GPR107: variants seen among roughly 807,000 people sequenced by gnomAD.
GPR107 encodes the protein G protein-coupled receptor 107.
Under a neutral mutation model 75.5 loss-of-function variants are expected in GPR107, and 31 were observed. The ratio of observed to expected loss-of-function variants is 0.41; its 90% CI spans 0.31 to 0.55. The LOEUF is 0.55. Ranked by LOEUF, GPR107 falls within the 20% of genes least tolerant of loss-of-function variation. The pLI, the probability that GPR107 is intolerant of heterozygous loss-of-function variation, is 0.26. For missense variants in GPR107, 572 were observed against 665.7 expected (o/e 0.86, Z 1.55); for synonymous variants, 267 against 251.3 (o/e 1.06, Z -0.59).
chr9:130,100,703 G>A lies in GPR107; in HGVS notation c.1013+1G>A. ...CTGTTGTGTACTACATAACTCACCT[G>A]TAAGTATGCAGGTCCATGTGAAATA... On this transcript the variant is annotated splice_donor_variant, in intron 11 of 17. Coordinates refer to ENST00000347136, the MANE Select transcript of GPR107 (RefSeq NM_020960.5). LOFTEE classifies it high-confidence loss of function. The A allele has an allele frequency of 6.2e-7, 1 of 1,601,076 alleles. No homozygotes were observed. The highest frequency in any genetic ancestry group is 8.6e-7 in the Non-Finnish European group (1 of 1,167,968).
intron 7 of GPR107, among the ~76,000 whole-genome samples, chr9:130,087,476 C>T (rs1297564887): frequency 6.6e-6 from 1 of 151,866 alleles, no homozygotes; most frequent in Non-Finnish European, 1.5e-5. Flanking sequence ...TGAGACCAGC[C>T]TGGGCAACAT....
chr9:130,132,710 C>G (rs915875766), intron 17 of GPR107, among the ~76,000 whole-genome samples: 1 of 151,930 alleles, frequency 6.6e-6, no homozygotes, highest in African/African-American at 2.4e-5. Flanking sequence ...CACTTGAACC[C>G]AGGAGACGGA....
intron 14 of GPR107, among the ~76,000 whole-genome samples, chr9:130,118,428 C>T (rs946796274): frequency 6.6e-6 from 1 of 151,888 alleles, no homozygotes; most frequent in Non-Finnish European, 1.5e-5. Flanking sequence ...CTGTGGGGGG[C>T]GTTGCTCTTC....
At chr9:130,080,349 G>A (rs1194220398) in intron 5 of GPR107, among the ~76,000 whole-genome samples, 1 of 151,976 alleles carries the variant, frequency 6.6e-6, no homozygotes, top group Non-Finnish European at 1.5e-5. Flanking sequence ...TGAGTTGTGT[G>A]GATTTATATT....
chr9:130,081,103 C>A (rs1830485617), intron 5 of GPR107, among the ~76,000 whole-genome samples: 1 of 151,980 alleles, frequency 6.6e-6, no homozygotes, highest in Non-Finnish European at 1.5e-5. Context: ...AGTCACAACT[C>A]CTCAAGAGAC....
chr9:130,075,942 C>T (rs150723332), intron 2 of GPR107, among the ~76,000 whole-genome samples, 193 bp downstream of exon 2: 8 of 152,124 alleles, frequency 5.3e-5, no homozygotes, highest in African/African-American at 1.2e-4. Flanking sequence ...CCACCATGAC[C>T]GTCTAATTTT....
intron 14 of GPR107, among the ~76,000 whole-genome samples, chr9:130,119,816 CT>C (rs1564682493): frequency 1.1e-5 from 1 of 92,190 alleles, no homozygotes; most frequent in African/African-American, 4.6e-5. Flanking sequence ...TATTTTTAGT[CT>C]GTTTTTTTTG....
At chr9:130,076,317 A>G (rs1830348007) in intron 2 of GPR107, 95 bp from the exon 3 acceptor site, 1 of 726,962 alleles carries the variant, frequency 1.4e-6, no homozygotes, top group Non-Finnish European at 2.5e-6. Context: ...AACAGAGGAG[A>G]CCACGTTAGA....
intron 4 of GPR107, among the ~76,000 whole-genome samples, chr9:130,077,650 A>G (rs1225014605): frequency 6.6e-6 from 1 of 152,242 alleles, no homozygotes; most frequent in African/African-American, 2.4e-5. Flanking sequence ...TGGCCCAAGC[A>G]GCTTTCTAGT....
At chr9:130,111,416 C>G (rs1475489211) in intron 14 of GPR107, among the ~76,000 whole-genome samples, 1 of 151,858 alleles carries the variant, frequency 6.6e-6, no homozygotes, top group Non-Finnish European at 1.5e-5. Flanking sequence ...CCTGTAGTCC[C>G]AGCTACTTGG....
intron 13 of GPR107, among the ~76,000 whole-genome samples, chr9:130,106,629 TA>T (rs1444228854): frequency 1.3e-5 from 2 of 150,144 alleles, no homozygotes; most frequent in Non-Finnish European, 3.0e-5. Context: ...ATAATAATAA[TA>T]ATAATAATAC....
At chr9:130,086,317 T>C in intron 6 of GPR107, 103 bp from the exon 7 acceptor site, 1 of 712,986 alleles carries the variant, frequency 1.4e-6, no homozygotes, top group Non-Finnish European at 2.5e-6. Flanking sequence ...GGTCAGCAAA[T>C]TTAGAGTTTA....
rs183903369 is a variant in GPR107 at position 130,080,429 on chromosome 9, A to C, written c.526+660A>C. Among the ~76,000 whole-genome samples, 34 of 152,242 alleles carry C rather than the reference A, an allele frequency of 2.2e-4. 1 individual carries two copies. In the East Asian group the frequency reaches 6.5e-3, roughly 29 times the overall value. On this transcript the variant is annotated intron_variant, in intron 5 of 17. Coordinates refer to ENST00000347136, the MANE Select transcript of GPR107 (RefSeq NM_020960.5). ...AGCCAATATGGGGTATTTTCTTTTC[A>C]AAAAACAAAATCCTAAAATGAAAGG...
At chr9:130,093,589 T>C (rs1298337616) in intron 9 of GPR107, among the ~76,000 whole-genome samples, 1 of 152,192 alleles carries the variant, frequency 6.6e-6, no homozygotes, top group African/African-American at 2.4e-5. Context: ...TTTGTTGTGA[T>C]ATCCTGTACA....
intron 1 of GPR107, among the ~76,000 whole-genome samples, chr9:130,066,891 C>G (rs920624034): frequency 6.6e-6 from 1 of 151,732 alleles, no homozygotes; most frequent in African/African-American, 2.4e-5. Context: ...GAGGCTGAGG[C>G]GGGAGAATGG....
At chr9:130,129,266 T>C (rs1477397141) in intron 17 of GPR107, 1 of 154,638 alleles carries the variant, frequency 6.5e-6, no homozygotes, top group East Asian at 1.9e-4. Flanking sequence ...ACACAGTGAA[T>C]GACTCTAGGG....
intron 14 of GPR107, chr9:130,110,374 C>T: frequency 6.5e-7 from 1 of 1,533,902 alleles, no homozygotes; most frequent in Non-Finnish European, 8.8e-7. Flanking sequence ...CACCAGGTGA[C>T]AGCATGGGAC....
chr9:130,107,167 A>G (rs902396790), intron 13 of GPR107, among the ~76,000 whole-genome samples: 1 of 152,138 alleles, frequency 6.6e-6, no homozygotes, highest in Non-Finnish European at 1.5e-5. Context: ...GTGATGCTCC[A>G]TTGTCATGGG....
At chr9:130,113,836 A>G (rs890208843) in intron 14 of GPR107, among the ~76,000 whole-genome samples, 3 of 152,146 alleles carry the variant, frequency 2.0e-5, no homozygotes, top group Non-Finnish European at 4.4e-5. Context: ...TTTAATGTAG[A>G]ATCACAGACT....
Sources: allele counts gnomAD v4.1 joint callset (sites outside exome capture counted in the v4.1 genomes callset), GRCh38; gene constraint gnomAD v4.1.1; transcripts MANE v1.5; gene names NCBI Gene and HGNC (gene_info 2026-07-23, HGNC 2026-07-21).